The following SHTN1 variants were observed in gnomAD, a reference collection of about 807,000 sequenced individuals.
SHTN1 encodes shootin 1.
In SHTN1, 42 loss-of-function variants were observed where a neutral mutation model predicts 83.1. The observed-to-expected ratio is 0.51, with a 90% CI of 0.39 to 0.65. The LOEUF is 0.65. SHTN1 is among the 30% of genes least tolerant of loss of function. The pLI, the probability that SHTN1 is intolerant of heterozygous loss-of-function variation, is 0.00. For missense variants in SHTN1, 622 were observed against 737.8 expected (o/e 0.84, Z 1.82); for synonymous variants, 224 against 247.7 (o/e 0.90, Z 0.90).
intron 16 of SHTN1, among the ~76,000 whole-genome samples, chr10:116,888,325 C>T (rs925382920): frequency 2.6e-5 from 4 of 152,180 alleles, no homozygotes; most frequent in African/African-American, 7.2e-5. Flanking sequence ...CTCTGACCCA[C>T]ACAATATTTA....
chr10:117,000,643 A>T (rs1288317833), intron 1 of SHTN1, among the ~76,000 whole-genome samples: 3 of 152,148 alleles, frequency 2.0e-5, no homozygotes, highest in Non-Finnish European at 4.4e-5. Context: ...TACTACACTG[A>T]ACAGTTTAGC....
chr10:117,018,980 T>C (rs1487345921), intron 2 of SHTN1, among the ~76,000 whole-genome samples: 2 of 152,100 alleles, frequency 1.3e-5, no homozygotes, highest in Admixed American at 1.3e-4. Flanking sequence ...ATAGTCTTTA[T>C]CCACAAGTGA....
intron 2 of SHTN1, among the ~76,000 whole-genome samples, chr10:117,040,852 T>C (rs940906974): frequency 5.3e-5 from 8 of 152,194 alleles, no homozygotes; most frequent in African/African-American, 1.9e-4. Context: ...ACATGATTCA[T>C]TGAAAATAAT....
chr10:116,911,486 T>C (rs1478513353), intron 14 of SHTN1: 4 of 1,550,316 alleles, frequency 2.6e-6, no homozygotes, highest in African/African-American at 2.7e-5. Flanking sequence ...TACGGACCCT[T>C]ACATATGGCC....
rs1200171440 is a variant in SHTN1, at chr10:117,098,185, C to T, written c.-189+28122G>A. 8.1e-5 allele frequency among the ~76,000 whole-genome samples: 12 copies of T among 147,826 alleles called. No individual in the cohort carries two copies. In the Admixed American group the frequency reaches 8.2e-4, roughly 10 times the overall value. On this transcript the variant is annotated intron_variant, in intron 1 of 17. Coordinates refer to the SHTN1 transcript ENST00000392901. ...GGGCGGATCACGAGGTCAAGAGATC[C>T]AGACCATCCTGGCTAACACGGTGAA...
At chr10:116,959,082 C>G (rs1223220772) in intron 4 of SHTN1, among the ~76,000 whole-genome samples, 1 of 152,072 alleles carries the variant, frequency 6.6e-6, no homozygotes, top group Non-Finnish European at 1.5e-5. Context: ...GAAAGAAATT[C>G]AAAAATGAAA....
intron 2 of SHTN1, among the ~76,000 whole-genome samples, chr10:117,027,548 G>A (rs1440763968): frequency 6.6e-6 from 1 of 151,908 alleles, no homozygotes; most frequent in Non-Finnish European, 1.5e-5. Context: ...GCACAGGCTG[G>A]AGTGCAGTGG....
chr10:116,881,836 T>C lies in SHTN1; in HGVS notation c.*4508A>G. On this transcript the variant is annotated 3_prime_UTR_variant, in exon 17 of 17. Transcript: ENST00000355371. ...TGGTAAATTACATATATGATGTTTT[T>C]GCCTGAAATTCTGTGAACTTCGTTT... is the stretch of plus-strand genomic sequence containing the variant. 1 of 521,892 alleles carries C rather than the reference T, an allele frequency of 1.9e-6. No homozygotes were observed. The highest frequency in any genetic ancestry group is 3.0e-6 in the Non-Finnish European group (1 of 328,030). The allele number at this position is 521,892 out of a possible 1,614,324, so 32.3% of individuals were successfully genotyped here. A position where few individuals can be genotyped will look rare whatever the true frequency, so the allele number is the denominator to read the frequency against.
intron 1 of SHTN1, among the ~76,000 whole-genome samples, chr10:116,999,418 G>A (rs1436338269): frequency 2.0e-5 from 3 of 152,170 alleles, no homozygotes; most frequent in Admixed American, 2.0e-4. Flanking sequence ...TCCTCAAGGA[G>A]ATAAGAGAAA....
Position 117,017,702 on chromosome 10 carries a change from G to A in SHTN1, c.-123+30743C>T, listed in dbSNP as rs184945001. Among the ~76,000 whole-genome samples the A allele has an allele frequency of 2.4e-3, 359 of 152,252 alleles. 2 individuals are homozygous for A. The highest frequency in any genetic ancestry group is 8.3e-3 in the African/African-American group (346 of 41,556). ...GAGTATAACTCCCCTTTCCTTGAGT[G>A]TAGGCTGGATTCAGTCACTTGCTTC... On this transcript the variant is annotated intron_variant, in intron 2 of 17. Transcript: ENST00000392901.
At chr10:116,911,357 A>G in intron 14 of SHTN1, 2 of 1,087,502 alleles carry the variant, frequency 1.8e-6, no homozygotes, top group Non-Finnish European at 2.5e-6. Flanking sequence ...GGAAAGGCAG[A>G]CTGTGACCCT....
At chr10:117,000,981 T>C (rs1032759872) in intron 1 of SHTN1, among the ~76,000 whole-genome samples, 2 of 152,214 alleles carry the variant, frequency 1.3e-5, no homozygotes, top group African/African-American at 4.8e-5. Flanking sequence ...CAGAAAATCA[T>C]GCACCTTAAA....
At chr10:117,108,685 A>G (rs1853707933) in intron 1 of SHTN1, among the ~76,000 whole-genome samples, 1 of 152,020 alleles carries the variant, frequency 6.6e-6, no homozygotes, top group Non-Finnish European at 1.5e-5. Context: ...GTGCACATGT[A>G]CCCTAGAACT....
intron 2 of SHTN1, chr10:117,048,424 C>T (rs1362714158): frequency 1.9e-5 from 18 of 959,830 alleles, no homozygotes; most frequent in Non-Finnish European, 2.1e-5. Flanking sequence ...TTAGACACAT[C>T]GGCACGGTCT....
At chr10:116,963,160 CT>C (rs1850258258) in intron 3 of SHTN1, among the ~76,000 whole-genome samples, 1 of 137,162 alleles carries the variant, frequency 7.3e-6, no homozygotes. Flanking sequence ...CAAGCTCCGC[CT>C]CCCGGGTTCA....
At chr10:116,911,630 A>G in intron 14 of SHTN1, 160 bp downstream of exon 14, 2 of 1,556,428 alleles carry the variant, frequency 1.3e-6, no homozygotes, top group Non-Finnish European at 1.7e-6. Flanking sequence ...AACATATGTG[A>G]TGGAGCAGTC....
chr10:116,908,016 G>A, intron 14 of SHTN1: 1 of 456,422 alleles, frequency 2.2e-6, no homozygotes, highest in Non-Finnish European at 4.4e-6. Context: ...ACAAAAAAAA[G>A]GTGCTTGTAA....
intron 16 of SHTN1, among the ~76,000 whole-genome samples, chr10:116,899,053 CTCAT>C (rs1351143075): frequency 2.6e-5 from 4 of 152,104 alleles, no homozygotes; most frequent in East Asian, 1.9e-4. Context: ...TGAAAATGTG[CTCAT>C]TCATTCATTT....
chr10:117,000,421 T>C (rs911634310), intron 1 of SHTN1, among the ~76,000 whole-genome samples: 24 of 152,188 alleles, frequency 1.6e-4, no homozygotes, highest in Non-Finnish European at 3.2e-4. Flanking sequence ...CTCAATAATC[T>C]TGGGGAAAAC....
Sources: allele counts gnomAD v4.1 joint callset (sites outside exome capture counted in the v4.1 genomes callset), GRCh38; gene constraint gnomAD v4.1.1; transcripts MANE v1.5; gene names NCBI Gene and HGNC (gene_info 2026-07-23, HGNC 2026-07-21).